Variants in GNB4 observed in about 807,000 individuals in gnomAD.
The protein encoded by GNB4 is guanine nucleotide-binding protein subunit beta-4.
Under a neutral mutation model 45.2 loss-of-function variants are expected in GNB4, and 28 were observed. That is an observed-to-expected ratio of 0.62 (90% CI 0.46 to 0.85). The LOEUF (loss-of-function observed/expected upper bound fraction) is 0.85. Ranked by LOEUF, GNB4 falls within the 40% of genes least tolerant of loss-of-function variation. GNB4 has a pLI of 0.00. For synonymous variants in GNB4, 132 were observed against 143.7 expected, an observed-to-expected ratio of 0.92 and a Z score of 0.58; for missense variants, 321 against 425.4, an observed-to-expected ratio of 0.75 and a Z score of 2.16.
rs1714803976 is a variant in GNB4 at position 179,416,515 on chromosome 3, CAAAT to C, written c.241_244del (p.Ile81GlyfsTer14). On this transcript the variant is annotated frameshift_variant, in exon 5 of 10. Transcript: ENST00000232564. LOFTEE classifies it high-confidence loss of function. ...TACCTTATTTGTTGTATAGCTATCCCAAATAATTAATTTTCCATCTTGAGAAGCA... is the reference window on the plus strand; with the variant it reads ...TACCTTATTTGTTGTATAGCTATCCCAATTAATTTTCCATCTTGAGAAGCA... 6.3e-7 allele frequency: 1 copy of C among 1,591,278 alleles called. No individual in the cohort carries two copies. The highest frequency in any genetic ancestry group is 1.1e-5 in the South Asian group (1 of 87,988).
rs187899275 is a variant in GNB4 at position 179,425,881 on chromosome 3, G to A, written c.57+263C>T. ...TTGTACCAAAAATCTATGATTCTAG[G>A]CATGTAAATAAAAAGAGAATTATGT... On this transcript the variant is annotated intron_variant, in intron 2 of 9. Coordinates refer to ENST00000232564, the MANE Select transcript of GNB4 (RefSeq NM_021629.4). 1.6e-3 allele frequency among the ~76,000 whole-genome samples: 242 copies of A among 152,264 alleles called. 2 individuals are homozygous for A. The highest frequency in any genetic ancestry group is 5.4e-3 in the African/African-American group (226 of 41,550).
At chr3:179,476,470 GCT>G in the GNB4 span, among the ~76,000 whole-genome samples, 1 of 152,306 alleles carries the variant, frequency 6.6e-6, no homozygotes, top group Admixed American at 6.5e-5. Context: ...CAAGCTGGTA[GCT>G]CTACAGTTCT....
intron 1 of GNB4, 65 bp downstream of exon 1, chr3:179,451,281 C>A (rs544005588): frequency 2.6e-5 from 4 of 151,454 alleles, no homozygotes; most frequent in Non-Finnish European, 4.4e-5. Flanking sequence ...CACGTCCCTG[C>A]GAGAAGCCCG....
At chr3:179,439,836 T>C (rs1353495104) in intron 1 of GNB4, among the ~76,000 whole-genome samples, 2 of 152,222 alleles carry the variant, frequency 1.3e-5, no homozygotes, top group South Asian at 2.1e-4. Flanking sequence ...GAGAAAGGCA[T>C]AGACCTGCCT....
chr3:179,441,231 C>T (rs980630718), intron 1 of GNB4, among the ~76,000 whole-genome samples: 1 of 152,172 alleles, frequency 6.6e-6, no homozygotes, highest in Non-Finnish European at 1.5e-5. Context: ...AGAAACACGT[C>T]CTTAGGCAAT....
In GNB4 at chr3:179,416,526, T is replaced by A; in HGVS notation, c.234A>T (p.Lys78Asn). ...RLLVSASQDG[K>N]LIIWDSYTTN... ...TTGTATAGCTATCCCAAATAATTAA[T>A]TTTCCATCTTGAGAAGCACTGACTA... The change falls in exon 5 of 10, where the codon AAA becomes AAT. Residue 78 changes from lysine (K) to asparagine (N), a missense_variant. By Grantham distance (94) the Lys-to-Asn change is moderately conservative (BLOSUM62 0). Transcript: ENST00000232564. The A allele has an allele frequency of 6.3e-7, 1 of 1,596,124 alleles. No homozygotes were observed.
chr3:179,408,448 T>C (rs1714542229), intron 8 of GNB4, among the ~76,000 whole-genome samples: 1 of 152,034 alleles, frequency 6.6e-6, no homozygotes, highest in Non-Finnish European at 1.5e-5. Context: ...GTTTAATGTC[T>C]ATGTAACTTA....
At chr3:179,413,905 C>A (rs1460939179) in intron 6 of GNB4, 124 bp from the exon 7 acceptor site, 1 of 709,070 alleles carries the variant, frequency 1.4e-6, no homozygotes, top group Non-Finnish European at 2.3e-6. Flanking sequence ...TCAATATAGT[C>A]TATAGTTCTA....
the GNB4 span, among the ~76,000 whole-genome samples, chr3:179,474,489 G>T: frequency 6.6e-6 from 1 of 152,192 alleles, no homozygotes; most frequent in Non-Finnish European, 1.5e-5. Flanking sequence ...CTCCCAAAGT[G>T]CTGGGATTAC....
At chr3:179,515,141 C>T in the GNB4 span, among the ~76,000 whole-genome samples, 28 of 152,182 alleles carry the variant, frequency 1.8e-4, no homozygotes, top group Non-Finnish European at 3.1e-4. Context: ...TTCAGTAATA[C>T]GGCTTAATAA....
chr3:179,414,033 A>G (rs958063274), intron 6 of GNB4, among the ~76,000 whole-genome samples: 3 of 152,118 alleles, frequency 2.0e-5, no homozygotes, highest in African/African-American at 7.2e-5. Context: ...ACCAAATTGA[A>G]TAAGACACAG....
chr3:179,468,035 A>AAAAAAAAATAT, the GNB4 span, among the ~76,000 whole-genome samples: 12 of 89,838 alleles, frequency 1.3e-4, no homozygotes, highest in Non-Finnish European at 2.4e-4. Flanking sequence ...TGTTGATAAA[A>AAAAAAAAATAT]ATATATATAT....
chr3:179,447,148 G>C (rs1240111737), intron 1 of GNB4, among the ~76,000 whole-genome samples: 1 of 152,194 alleles, frequency 6.6e-6, no homozygotes, highest in East Asian at 1.9e-4. Flanking sequence ...AATGAAATGA[G>C]AGGATGAGCT....
At chr3:179,507,541 A>C in the GNB4 span, among the ~76,000 whole-genome samples, 1 of 152,218 alleles carries the variant, frequency 6.6e-6, no homozygotes, top group African/African-American at 2.4e-5. Context: ...CACTCCAGGC[A>C]TATTGAAAAA....
At chr3:179,417,210 T>C (rs1183505673) in intron 4 of GNB4, among the ~76,000 whole-genome samples, 3 of 152,162 alleles carry the variant, frequency 2.0e-5, no homozygotes, top group East Asian at 3.9e-4. Context: ...AGGAGAAAGC[T>C]ATGTAAGATC....
intron 1 of GNB4, among the ~76,000 whole-genome samples, chr3:179,438,064 C>T (rs1715505180): frequency 7.2e-6 from 1 of 138,208 alleles, no homozygotes; most frequent in Non-Finnish European, 1.6e-5. Flanking sequence ...AGAGTGAGAC[C>T]TCATCTCAAA....
chr3:179,514,552 C>T, the GNB4 span, among the ~76,000 whole-genome samples: 7 of 152,094 alleles, frequency 4.6e-5, no homozygotes, highest in South Asian at 2.1e-4. Context: ...CCAATGTACC[C>T]GTATTTGGAG....
the GNB4 span, among the ~76,000 whole-genome samples, chr3:179,491,520 G>C: frequency 1.3e-5 from 2 of 152,172 alleles, no homozygotes; most frequent in African/African-American, 4.8e-5. Flanking sequence ...ACAAAAATTA[G>C]TGACAGTTAT....
At chr3:179,488,050 C>CAA in the GNB4 span, among the ~76,000 whole-genome samples, 492 of 142,686 alleles carry the variant, frequency 3.4e-3, no homozygotes, top group Non-Finnish European at 4.6e-3. Flanking sequence ...GACTCTGTCT[C>CAA]AAAAAAAAAA....
Sources: allele counts gnomAD v4.1 joint callset (sites outside exome capture counted in the v4.1 genomes callset), GRCh38; gene constraint gnomAD v4.1.1; transcripts MANE v1.5; gene names NCBI Gene and HGNC (gene_info 2026-07-23, HGNC 2026-07-21).